CYTH1: variants seen among roughly 807,000 people sequenced by gnomAD.
CYTH1 encodes cytohesin-1.
Under a neutral mutation model 61.8 loss-of-function variants are expected in CYTH1, and 18 were observed. The observed-to-expected ratio is 0.29, with a 90% CI of 0.20 to 0.43. The LOEUF (loss-of-function observed/expected upper bound fraction) is 0.43, where lower values mean the gene tolerates loss of function less well. Ranked by LOEUF, CYTH1 falls within the 20% of genes least tolerant of loss-of-function variation. The probability of loss-of-function intolerance (pLI) is 1.00; values close to 1 mark genes in which losing one functional copy is unlikely to be tolerated. For synonymous variants in CYTH1, 174 were observed against 184.3 expected (o/e 0.94, Z 0.45); for missense variants, 336 against 510.5 (o/e 0.66, Z 3.29).
chr17:78,726,016 AT>A (rs1232766245), intron 1 of CYTH1, among the ~76,000 whole-genome samples: 1 of 150,976 alleles, frequency 6.6e-6, no homozygotes, highest in Non-Finnish European at 1.5e-5. Context: ...TTAAAAAATA[AT>A]TTCTCAGACT....
chr17:78,737,216 A>C (rs2093324088), intron 1 of CYTH1, among the ~76,000 whole-genome samples: 1 of 152,168 alleles, frequency 6.6e-6, no homozygotes, highest in South Asian at 2.1e-4. Flanking sequence ...TGAGTCCTTA[A>C]TTATTTGCAC....
At chr17:78,732,290 A>G (rs1457514830) in intron 1 of CYTH1, among the ~76,000 whole-genome samples, 1 of 152,146 alleles carries the variant, frequency 6.6e-6, no homozygotes, top group African/African-American at 2.4e-5. Flanking sequence ...TTGGGTCTTG[A>G]TCCCCCACAG....
chr17:78,771,847 C>T (rs1270651360), intron 1 of CYTH1, among the ~76,000 whole-genome samples: 1 of 151,948 alleles, frequency 6.6e-6, no homozygotes, highest in African/African-American at 2.4e-5. Context: ...AGCTAATAAC[C>T]ATCTCACTAC....
chr17:78,701,981 A>G, intron 5 of CYTH1, 141 bp downstream of exon 5: 1 of 792,674 alleles, frequency 1.3e-6, no homozygotes, highest in Non-Finnish European at 2.1e-6. Context: ...TCCCCAGAAA[A>G]GCCTCCCCTC....
Position 78,674,066 on chromosome 17 carries a change from A to C in CYTH1, c.*2025T>G, listed in dbSNP as rs904808018. 6.6e-6 allele frequency: 1 copy of C among 152,640 alleles called. No homozygotes were observed. Among genetic ancestry groups the C allele is most frequent in the African/African-American group, 2.4e-5 (1 of 41,458 alleles). The allele number at this position is 152,640 out of a possible 1,614,324, so 9.5% of individuals were successfully genotyped here. On this transcript the variant is annotated 3_prime_UTR_variant, in exon 14 of 14. Transcript: ENST00000446868. ...ACAAAGATGGCTTGGGCAGAGTTGG[A>C]GTTTATTTGCTGCAGTTCCTTGGCG...
chr17:78,751,156 T>A (rs1304799909), intron 1 of CYTH1, among the ~76,000 whole-genome samples: 1 of 151,988 alleles, frequency 6.6e-6, no homozygotes, highest in Non-Finnish European at 1.5e-5. Flanking sequence ...GGGCTCTATT[T>A]TTAGTAGACA....
chr17:78,681,847 A>AAC (rs1555600912), intron 11 of CYTH1, among the ~76,000 whole-genome samples: 2,625 of 150,482 alleles, frequency 0.017, 31 homozygotes, highest in Non-Finnish European at 0.025. Context: ...CAAAAAAAAA[A>AAC]AAAAAAAACC....
intron 1 of CYTH1, among the ~76,000 whole-genome samples, chr17:78,726,633 C>A (rs1363673020): frequency 2.0e-5 from 3 of 152,034 alleles, no homozygotes; most frequent in Non-Finnish European, 4.4e-5. Context: ...GCAGTCCAGG[C>A]AGAGGTGGAA....
chr17:78,743,996 T>A (rs1294222024), intron 1 of CYTH1, among the ~76,000 whole-genome samples: 1 of 152,178 alleles, frequency 6.6e-6, no homozygotes, highest in African/African-American at 2.4e-5. Context: ...ATCCCCTACC[T>A]GGGCTGTGTG....
At chr17:78,775,218 T>C (rs1169737055) in intron 1 of CYTH1, among the ~76,000 whole-genome samples, 2 of 152,150 alleles carry the variant, frequency 1.3e-5, no homozygotes, top group African/African-American at 4.8e-5. Context: ...CAGTCTCCTG[T>C]GGCCCATGAA....
chr17:78,722,054 CAA>C (rs1598881886), intron 1 of CYTH1, among the ~76,000 whole-genome samples: 2 of 151,718 alleles, frequency 1.3e-5, no homozygotes, highest in African/African-American at 4.8e-5. Context: ...TCTCACAAAA[CAA>C]AAAAGTAAGG....
At chr17:78,694,642 A>C (rs998756264) in intron 10 of CYTH1, among the ~76,000 whole-genome samples, 3 of 152,118 alleles carry the variant, frequency 2.0e-5, no homozygotes, top group African/African-American at 7.2e-5. Flanking sequence ...GGGAACATCA[A>C]CCCATGCTGA....
intron 1 of CYTH1, among the ~76,000 whole-genome samples, chr17:78,745,242 T>C (rs1478816024): frequency 6.6e-6 from 1 of 152,140 alleles, no homozygotes; most frequent in East Asian, 1.9e-4. Context: ...AAAAGAACAG[T>C]GCCCCTTCAG....
chr17:78,675,747 T>G lies in CYTH1; in HGVS notation c.*344A>C. 1.4e-6 allele frequency: 1 copy of G among 716,246 alleles called. No homozygotes were observed. Among genetic ancestry groups the G allele is most frequent in the Non-Finnish European group, 2.2e-6 (1 of 462,764 alleles). The allele number at this position is 716,246 out of a possible 1,614,324, so 44.4% of individuals were successfully genotyped here. A position where few individuals can be genotyped will look rare whatever the true frequency, so the allele number is the denominator to read the frequency against. ...TTATGGTGCAGGGTTTGAAGGCTTC[T>G]TCACGGGGACAACCAAGAGGTAAAC... On this transcript the variant is annotated 3_prime_UTR_variant, in exon 14 of 14. Transcript: ENST00000446868.
At position 78,717,626 on chromosome 17, in the gene CYTH1, A is replaced by G. The variant is rs940780972; in HGVS notation, c.23-7894T>C. 1.3e-5 allele frequency among the ~76,000 whole-genome samples: 2 copies of G among 152,184 alleles called. No individual in the cohort carries two copies. Among genetic ancestry groups the G allele is most frequent in the African/African-American group, 4.8e-5 (2 of 41,444 alleles). The stretch of plus-strand genomic sequence containing the variant: ...CTCTTTCCAAGCCAGAGGACGATAC[A>G]TGAGCACACGGCGGGCTCTAGTCTA... On this transcript the variant is annotated intron_variant, in intron 1 of 13. Coordinates refer to ENST00000446868, the MANE Select transcript of CYTH1 (RefSeq NM_004762.6). The surrounding 1 kb of genome is among the most constrained non-coding windows in gnomAD (Gnocchi z 4.4).
At position 78,690,393 on chromosome 17, in the gene CYTH1, C is replaced by CAAAAAAAAAAAAAAAAAAAAAA. The variant is rs60663636; in HGVS notation, c.891+2002_891+2023dup. ...TGGGCAACAGAGCGAGACTCCATCT[C>CAAAAAAAAAAAAAAAAAAAAAA]AAAAAAAAAAAAAAAAAAAAAAAAA... On this transcript the variant is annotated intron_variant, in intron 11 of 13. Coordinates refer to ENST00000446868, the MANE Select transcript of CYTH1 (RefSeq NM_004762.6). 1.1e-4 allele frequency among the ~76,000 whole-genome samples: 3 copies of CAAAAAAAAAAAAAAAAAAAAAA among 28,314 alleles called. 1 individual carries two copies. Among genetic ancestry groups the CAAAAAAAAAAAAAAAAAAAAAA allele is most frequent in the Non-Finnish European group, 1.8e-4 (3 of 16,468 alleles). 18.6% of individuals were successfully genotyped at this position (28,314 alleles called of 152,430 possible).
intron 1 of CYTH1, among the ~76,000 whole-genome samples, chr17:78,721,304 C>T (rs2093226459): frequency 1.3e-5 from 2 of 151,824 alleles, no homozygotes; most frequent in South Asian, 2.1e-4. Context: ...CACTCCAGCT[C>T]GGGCGACAGA....
At chr17:78,764,263 C>T (rs1452034081) in intron 1 of CYTH1, among the ~76,000 whole-genome samples, 2 of 146,736 alleles carry the variant, frequency 1.4e-5, no homozygotes, top group Non-Finnish European at 3.0e-5. Context: ...GTGGCACTAT[C>T]TCGGCTCAAT....
intron 10 of CYTH1, among the ~76,000 whole-genome samples, chr17:78,692,707 G>T (rs536933234): frequency 6.6e-6 from 1 of 152,026 alleles, no homozygotes; most frequent in East Asian, 1.9e-4. Context: ...CAGAGCAAGC[G>T]CATCTAGGTG....
Sources: allele counts gnomAD v4.1 joint callset (sites outside exome capture counted in the v4.1 genomes callset), GRCh38; gene constraint gnomAD v4.1.1; non-coding constraint Gnocchi (gnomAD v3.1); transcripts MANE v1.5; gene names NCBI Gene and HGNC (gene_info 2026-07-23, HGNC 2026-07-21).